The following LSR variants were observed in gnomAD, a reference collection of about 807,000 sequenced individuals.
The protein encoded by LSR is lipolysis stimulated lipoprotein receptor.
A neutral mutation model predicts 61.8 loss-of-function variants in LSR; 44 were observed. The ratio of observed to expected loss-of-function variants is 0.71; its 90% confidence interval spans 0.56 to 0.91. The LOEUF (loss-of-function observed/expected upper bound fraction) is 0.91, where lower values mean the gene tolerates loss of function less well. LSR is among the 40% of genes least tolerant of loss of function. The probability of loss-of-function intolerance (pLI) is 0.00; values close to 1 mark genes in which losing one functional copy is unlikely to be tolerated. For synonymous variants in LSR, 397 were observed against 350.6 expected, an observed-to-expected ratio of 1.13 and a Z score of -1.48; for missense variants, 911 against 830.5, an observed-to-expected ratio of 1.10 and a Z score of -1.19.
rs2066009263 is a variant in LSR, at chr19:35,266,894, G to A, written c.1071G>A (p.Leu357=). ...ASQQDDSMRV[L]YYMEKELANF... is the part of the protein sequence containing the mutation. ...AGCAGGACGACTCCATGCGGGTCCT[G>A]TACTACATGGAGAAGGAGCTGGCCA... Residue 357 remains leucine (L), a synonymous_variant, in exon 8 of 10, where the codon CTG becomes CTA. Coordinates refer to ENST00000605618, the MANE Select transcript of LSR (RefSeq NM_205834.4). The A allele has an allele frequency of 6.2e-7, 1 of 1,613,598 alleles. No homozygotes were observed. Among genetic ancestry groups the A allele is most frequent in the Non-Finnish European group, 8.5e-7 (1 of 1,179,778 alleles).
intron 3 of LSR, among the ~76,000 whole-genome samples, chr19:35,260,008 A>G (rs1011388488): frequency 2.0e-5 from 3 of 152,124 alleles, no homozygotes; most frequent in Admixed American, 6.6e-5. Context: ...TGGGCTGTAC[A>G]CTGCCATCTT....
chr19:35,255,551 A>G (rs1372403209), intron 2 of LSR, among the ~76,000 whole-genome samples: 1 of 152,066 alleles, frequency 6.6e-6, no homozygotes, highest in East Asian at 1.9e-4. Flanking sequence ...CTGGAGTTCA[A>G]GATCAACCTG....
intron 2 of LSR, among the ~76,000 whole-genome samples, chr19:35,257,560 G>A (rs2065871314): frequency 6.6e-6 from 1 of 152,138 alleles, no homozygotes; most frequent in Admixed American, 6.5e-5. Flanking sequence ...AGGTGCTGTG[G>A]ACTGCAGCAC....
At position 35,258,974 on chromosome 19, in the gene LSR, T is replaced by TG. The variant is rs1350309519; in HGVS notation, c.490dup (p.Asp164GlyfsTer20). 4 of 1,613,946 alleles carry TG rather than the reference T, an allele frequency of 2.5e-6. No homozygotes were observed. Among genetic ancestry groups the TG allele is most frequent in the Non-Finnish European group, 2.5e-6 (3 of 1,179,978 alleles). The stretch of plus-strand genomic sequence containing the variant: ...TGACCTGACCTTTGACCAGACGGCG[T>TG]GGGGGGACAGTGGTGTGTATTACTG... On this transcript the variant is annotated frameshift_variant, in exon 3 of 10. Transcript: ENST00000605618. LOFTEE classifies it high-confidence loss of function.
At chr19:35,259,759 G>A (rs368745939) in intron 3 of LSR, among the ~76,000 whole-genome samples, 3 of 152,244 alleles carry the variant, frequency 2.0e-5, no homozygotes, top group East Asian at 1.9e-4. Context: ...CGAGTCCCTC[G>A]CCAAAGCACA....
rs905716218 is a variant in LSR at position 35,266,590 on chromosome 19, A to C, written c.952+58A>C. On this transcript the variant is annotated intron_variant, in intron 6 of 9. Coordinates refer to ENST00000605618, the MANE Select transcript of LSR (RefSeq NM_205834.4). Reference sequence around the variant, plus strand: ...GAGTGTGCTGGGCATCTGGACACTGAGGGGCAGGGGCTGGAAGGAAGAGTG... The same window carrying C: ...GAGTGTGCTGGGCATCTGGACACTGCGGGGCAGGGGCTGGAAGGAAGAGTG... The C allele has an allele frequency of 1.2e-5, 19 of 1,601,326 alleles. No homozygotes were observed. The African/African-American group carries it at 2.5e-4, about 21-fold the overall frequency.
At chr19:35,265,849 A>C (rs2065990226) in intron 5 of LSR, among the ~76,000 whole-genome samples, 1 of 152,008 alleles carries the variant, frequency 6.6e-6, no homozygotes, top group African/African-American at 2.4e-5. Context: ...CAGATGACTC[A>C]TTTTTTCTAG....
rs756759256 is a variant in LSR at position 35,267,386 on chromosome 19, C to T, written c.1422C>T (p.Ala474=). ...CGAGTAATGGTGGGAGAAGCCGGGC[C>T]TACATGCCCCCGCGGAGCCGCAGCC... ...SPTSNGGRSR[A]YMPPRSRSRD... The change falls in exon 9 of 10, where the codon GCC becomes GCT. Residue 474 remains alanine, a synonymous_variant. Transcript: ENST00000605618. 6.2e-7 allele frequency: 1 copy of T among 1,604,134 alleles called. No homozygotes were observed. The highest frequency in any genetic ancestry group is 1.1e-5 in the South Asian group (1 of 89,996).
At chr19:35,266,272 A>G (rs2065996416) in intron 5 of LSR, 87 bp from the exon 6 acceptor site, 1 of 1,117,516 alleles carries the variant, frequency 8.9e-7, no homozygotes, top group Non-Finnish European at 1.3e-6. Context: ...AAGGAGGTCC[A>G]GGCCCAGGTC....
intron 1 of LSR, 86 bp downstream of exon 1, chr19:35,249,217 G>A (rs1190055339): frequency 1.1e-5 from 16 of 1,458,798 alleles, no homozygotes; most frequent in Non-Finnish European, 1.5e-5. Context: ...GCGGGAAGCG[G>A]GAAGCGGGGG....
chr19:35,249,183 G>A, intron 1 of LSR, 52 bp downstream of exon 1: 2 of 1,504,490 alleles, frequency 1.3e-6, no homozygotes, highest in Non-Finnish European at 1.8e-6. Flanking sequence ...GAACTGTAGA[G>A]GGGGATGGAT....
At chr19:35,255,668 C>T (rs1343419068) in intron 2 of LSR, among the ~76,000 whole-genome samples, 1 of 152,216 alleles carries the variant, frequency 6.6e-6, no homozygotes, top group African/African-American at 2.4e-5. Flanking sequence ...TCAACCCCTT[C>T]ACATCTGCTC....
At chr19:35,260,997 A>G (rs912660058) in intron 3 of LSR, among the ~76,000 whole-genome samples, 26 of 152,250 alleles carry the variant, frequency 1.7e-4, no homozygotes, top group Admixed American at 4.6e-4. Context: ...CCTTGTGGAC[A>G]GGACCACGCT....
At position 35,267,660 on chromosome 19, in the gene LSR, G is replaced by A; in HGVS notation, c.1696G>A (p.Ala566Thr). The change falls in exon 9 of 10, where the codon GCC becomes ACC. Residue 566 changes from alanine to threonine, a missense_variant. Physicochemically the swap from Ala to Thr is moderately conservative, Grantham distance 58. Coordinates refer to ENST00000605618, the MANE Select transcript of LSR (RefSeq NM_205834.4). Reference sequence around the variant, plus strand: ...ACCCCACAAGGAGGAGGAGGAAGAGGCCTACTACCCGCCCGCGCCGCCCCC... The same window carrying A: ...ACCCCACAAGGAGGAGGAGGAAGAGACCTACTACCCGCCCGCGCCGCCCCC... ...RRPHKEEEEEAYYPPAPPPYS... is the reference protein window; with the variant it reads ...RRPHKEEEEETYYPPAPPPYS... The A allele has an allele frequency of 6.2e-7, 1 of 1,607,428 alleles. No individual in the cohort carries two copies. Among genetic ancestry groups the A allele is most frequent in the African/African-American group, 1.3e-5 (1 of 74,560 alleles).
intron 5 of LSR, among the ~76,000 whole-genome samples, chr19:35,263,365 ATTTTT>A (rs991158302): frequency 6.6e-6 from 1 of 151,628 alleles, no homozygotes; most frequent in Non-Finnish European, 1.5e-5. Flanking sequence ...AGCAAAAAAA[ATTTTT>A]TTTGTTTTAG....
Position 35,267,854 on chromosome 19 carries a change from G to C in LSR, c.1801G>C (p.Val601Leu), listed in dbSNP as rs145814439. The change falls in exon 10 of 10, where the codon GTC becomes CTC. Residue 601 changes from valine to leucine, a missense_variant. By Grantham distance (32) the Val-to-Leu change is conservative (BLOSUM62 1). Transcript: ENST00000605618. ...NLALSRESLV[V>L] The stretch of plus-strand genomic sequence containing the variant: ...GGCCCTGAGTCGGGAAAGTTTAGTC[G>C]TCTGATCTGACGTTTTCTACGTAGC... 3.0e-5 allele frequency: 48 copies of C among 1,613,766 alleles called. No individual in the cohort carries two copies. In the African/African-American group the frequency reaches 5.5e-4, roughly 18 times the overall value.
At position 35,249,040 on chromosome 19, in the gene LSR, C is replaced by A. The variant is rs757981382; in HGVS notation, c.18C>A (p.Gly6=). 9 of 1,593,138 alleles carry A rather than the reference C, an allele frequency of 5.6e-6. No individual in the cohort carries two copies. In the Admixed American group the frequency reaches 8.9e-5, roughly 16 times the overall value. ...CGGCCGCGATGGCGCTGTTGGCCGG[C>A]GGGCTCTCCAGAGGGCTGGGCTCCC... The part of the protein sequence containing the change: MALLA[G]GLSRGLGSHP... Residue 6 remains glycine, a synonymous_variant, in exon 1 of 10, where the codon GGC becomes GGA. Transcript: ENST00000605618.
At chr19:35,265,155 CTTG>C (rs1218276315) in intron 5 of LSR, among the ~76,000 whole-genome samples, 2 of 152,200 alleles carry the variant, frequency 1.3e-5, no homozygotes, top group African/African-American at 2.4e-5. Context: ...TCCCCTCCCT[CTTG>C]TTGTGTTCAG....
Position 35,267,667 on chromosome 19 carries a change from AC to A in LSR, c.1706del (p.Pro569ArgfsTer26), listed in dbSNP as rs2066040511. 6.2e-7 allele frequency: 1 copy of A among 1,605,424 alleles called. No individual in the cohort carries two copies. Reference sequence around the variant, plus strand: ...AAGGAGGAGGAGGAAGAGGCCTACTACCCGCCCGCGCCGCCCCCGTACTCGG... The same window carrying A: ...AAGGAGGAGGAGGAAGAGGCCTACTACCGCCCGCGCCGCCCCCGTACTCGG... ...PHKEEEEEAY[Y>X]PPAPPPYSET... On this transcript the variant is annotated frameshift_variant, in exon 9 of 10. Coordinates refer to ENST00000605618, the MANE Select transcript of LSR (RefSeq NM_205834.4). LOFTEE classifies it high-confidence loss of function.
Sources: gnomAD v4.1 joint callset for allele counts (sites outside exome capture counted in the v4.1 genomes callset) on GRCh38, gnomAD v4.1.1 for gene constraint, MANE v1.5 for transcripts, NCBI Gene and HGNC (gene_info 2026-07-23, HGNC 2026-07-21) for gene names.